PITPNA: variants seen among roughly 807,000 people sequenced by gnomAD.
The protein encoded by PITPNA is phosphatidylinositol transfer protein alpha.
In PITPNA, 13 loss-of-function variants were observed where a neutral mutation model predicts 50.3. That is an observed-to-expected ratio of 0.26 (90% CI 0.17 to 0.41). The LOEUF is 0.41. Ranked by LOEUF, PITPNA falls within the 10% of genes least tolerant of loss-of-function variation. The pLI, the probability that PITPNA is intolerant of heterozygous loss-of-function variation, is 1.00. For synonymous variants in PITPNA, 120 were observed against 119.6 expected (o/e 1.00, Z -0.02); for missense variants, 207 against 333.4 (o/e 0.62, Z 2.95).
intron 10 of PITPNA, among the ~76,000 whole-genome samples, chr17:1,524,203 C>T (rs1387296653): frequency 6.6e-6 from 1 of 151,640 alleles, no homozygotes; most frequent in Non-Finnish European, 1.5e-5. Context: ...CACCAACACG[C>T]CCGGCTAATT....
chr17:1,536,581 G>A (rs537085383), intron 7 of PITPNA, among the ~76,000 whole-genome samples: 21 of 150,950 alleles, frequency 1.4e-4, no homozygotes, highest in Middle Eastern at 6.9e-3. Context: ...GAGCCACCGC[G>A]CCCTGCCTTA....
In PITPNA at chr17:1,553,138, C is replaced by T. The variant is rs1386931343; in HGVS notation, c.63G>A (p.Gly21=). 1.2e-6 allele frequency: 2 copies of T among 1,613,938 alleles called. No individual in the cohort carries two copies. Among genetic ancestry groups the T allele is most frequent in the Non-Finnish European group, 8.5e-7 (1 of 1,179,860 alleles). The stretch of plus-strand genomic sequence containing the variant: ...TGGCCTCAGCCACAGAATACAGCTG[C>T]CCCACTTGATACTAAAGGACAGAGA... ...LPVSVDEYQV[G]QLYSVAEASK... The change falls in exon 3 of 12, where the codon GGG becomes GGA. Residue 21 remains glycine (G), a synonymous_variant. Transcript: ENST00000313486.
chr17:1,559,937 C>T (rs1290891903), intron 1 of PITPNA: 1 of 213,084 alleles, frequency 4.7e-6, no homozygotes, highest in Non-Finnish European at 8.1e-6. Flanking sequence ...CAGAAAAATA[C>T]TCCCAACTTG....
chr17:1,528,037 A>T (rs925898968), intron 10 of PITPNA, among the ~76,000 whole-genome samples: 1 of 152,182 alleles, frequency 6.6e-6, no homozygotes, highest in African/African-American at 2.4e-5. Context: ...AAAAAATTTT[A>T]AAAATTAGGT....
intron 2 of PITPNA, among the ~76,000 whole-genome samples, chr17:1,553,547 A>G (rs1351540408): frequency 6.6e-6 from 1 of 152,052 alleles, no homozygotes; most frequent in Non-Finnish European, 1.5e-5. Flanking sequence ...CAGTCAATCC[A>G]TCAGGATTTA....
At chr17:1,546,361 C>T (rs146167168) in intron 4 of PITPNA, among the ~76,000 whole-genome samples, 1 of 152,248 alleles carries the variant, frequency 6.6e-6, no homozygotes, top group African/African-American at 2.4e-5. Context: ...CAGACCCCAC[C>T]AATGACCGCA....
At chr17:1,543,432 G>T (rs1360819555) in intron 4 of PITPNA, among the ~76,000 whole-genome samples, 1 of 152,134 alleles carries the variant, frequency 6.6e-6, no homozygotes, top group African/African-American at 2.4e-5. Context: ...CTTTGGCCAT[G>T]CACTGTATCT....
At chr17:1,554,716 A>C (rs927086107) in intron 2 of PITPNA, among the ~76,000 whole-genome samples, 1 of 152,076 alleles carries the variant, frequency 6.6e-6, no homozygotes, top group Non-Finnish European at 1.5e-5. Context: ...TCTGGGCAAA[A>C]TCTGGAAAGT....
chr17:1,555,842 G>C (rs534234517), intron 2 of PITPNA, among the ~76,000 whole-genome samples: 1 of 152,180 alleles, frequency 6.6e-6, no homozygotes, highest in African/African-American at 2.4e-5. Context: ...AAACAGCCAG[G>C]GCTTTCTCGC....
chr17:1,529,258 C>T (rs1445840229), intron 10 of PITPNA, among the ~76,000 whole-genome samples: 1 of 151,878 alleles, frequency 6.6e-6, no homozygotes, highest in Non-Finnish European at 1.5e-5. Context: ...CATGGTGGCT[C>T]ATGCCTGTAA....
In PITPNA at chr17:1,547,964, A is replaced by G. The variant is rs543655646; in HGVS notation, c.289+332T>C. ...AGCCGAGATCACGCCACTGTGCTCC[A>G]GTCTGGGCAACAGAGCGAGACTCCA... On this transcript the variant is annotated intron_variant, in intron 4 of 11. Transcript: ENST00000313486. Among the ~76,000 whole-genome samples, 3 of 152,354 alleles carry G rather than the reference A, an allele frequency of 2.0e-5. No individual in the cohort carries two copies. The East Asian group carries it at 5.8e-4, about 29-fold the overall frequency.
In PITPNA at chr17:1,545,607, G is replaced by A. The variant is rs117290193; in HGVS notation, c.290-2580C>T. On this transcript the variant is annotated intron_variant, in intron 4 of 11. Coordinates refer to ENST00000313486, the MANE Select transcript of PITPNA (RefSeq NM_006224.4). ...ATTTAGAAATTACATTTTTCCAGTGGAGCTCCAGTGGCGCAATTGGTTAGC... is the reference window on the plus strand; with the variant it reads ...ATTTAGAAATTACATTTTTCCAGTGAAGCTCCAGTGGCGCAATTGGTTAGC... 1.7e-4 allele frequency among the ~76,000 whole-genome samples: 26 copies of A among 152,266 alleles called. No homozygotes were observed. The East Asian group carries it at 4.2e-3, about 25-fold the overall frequency.
At chr17:1,553,182 C>G in intron 2 of PITPNA, 33 bp from the exon 3 acceptor site, 4 of 1,611,804 alleles carry the variant, frequency 2.5e-6, no homozygotes, top group Non-Finnish European at 2.5e-6. Context: ...ATTCTCAACA[C>G]GGACCCTTCT....
Position 1,517,857 on chromosome 17 carries a change from C to G in PITPNA, c.*2704G>C, listed in dbSNP as rs754349862. The G allele has an allele frequency of 1.3e-5, 2 of 152,400 alleles. No individual in the cohort carries two copies. Among genetic ancestry groups the G allele is most frequent in the Admixed American group, 1.3e-4 (2 of 15,266 alleles). 9.4% of individuals were successfully genotyped at this position (152,400 alleles called of 1,614,324 possible). On this transcript the variant is annotated 3_prime_UTR_variant, in exon 12 of 12. Coordinates refer to ENST00000313486, the MANE Select transcript of PITPNA (RefSeq NM_006224.4). The stretch of plus-strand genomic sequence containing the variant: ...CACGGGACTATTATATGCAGAAATC[C>G]ACGTGCAAAAATTTTCAGACACACC...
Position 1,552,951 on chromosome 17 carries a change from C to T in PITPNA, c.197+53G>A, listed in dbSNP as rs1328419854. 17 of 1,578,632 alleles carry T rather than the reference C, an allele frequency of 1.1e-5. No homozygotes were observed. The Admixed American group carries it at 2.9e-4, about 27-fold the overall frequency. ...ATAAAACAATAAAGGAAATAACACT[C>T]ATTCACACACACACAAAAGCCAGCA... On this transcript the variant is annotated intron_variant, in intron 3 of 11. Transcript: ENST00000313486.
At chr17:1,555,101 A>G (rs1233217044) in intron 2 of PITPNA, among the ~76,000 whole-genome samples, 1 of 152,132 alleles carries the variant, frequency 6.6e-6, no homozygotes, top group Non-Finnish European at 1.5e-5. Context: ...CAGCAATCCT[A>G]AAGGACAGGC....
intron 2 of PITPNA, among the ~76,000 whole-genome samples, chr17:1,557,303 T>A (rs369771652): frequency 6.6e-6 from 1 of 152,238 alleles, no homozygotes; most frequent in Non-Finnish European, 1.5e-5. Flanking sequence ...AGCCTGGATG[T>A]CTGTCTCAAC....
At chr17:1,534,014 T>C in intron 10 of PITPNA, 85 bp downstream of exon 10, 1 of 1,482,012 alleles carries the variant, frequency 6.7e-7, no homozygotes, top group Non-Finnish European at 9.4e-7. Context: ...TACAGGATGG[T>C]GCTCTCGGTG....
At chr17:1,549,064 C>T (rs144661104) in intron 3 of PITPNA, among the ~76,000 whole-genome samples, 45 of 152,218 alleles carry the variant, frequency 3.0e-4, no homozygotes, top group African/African-American at 9.4e-4. Context: ...TGCGCCACCA[C>T]GCCCAGCTAA....
Sources: allele counts gnomAD v4.1 joint callset (sites outside exome capture counted in the v4.1 genomes callset), GRCh38; gene constraint gnomAD v4.1.1; transcripts MANE v1.5; gene names NCBI Gene and HGNC (gene_info 2026-07-23, HGNC 2026-07-21).